GNG12: variants seen among roughly 807,000 people sequenced by gnomAD.
GNG12 encodes the protein G protein subunit gamma 12.
For synonymous variants in GNG12, 28 were observed against 29.7 expected (o/e 0.94, Z 0.19); for missense variants, 69 against 83.8 (o/e 0.82, Z 0.69).
chr1:67,716,150 A>G (rs1478832351), intron 2 of GNG12, among the ~76,000 whole-genome samples: 16 of 152,194 alleles, frequency 1.1e-4, no homozygotes, highest in African/African-American at 3.9e-4. Flanking sequence ...GGTTTCGGGT[A>G]GGGAAGACAG....
chr1:67,730,114 T>C (rs895047436), intron 2 of GNG12, among the ~76,000 whole-genome samples: 31 of 152,232 alleles, frequency 2.0e-4, no homozygotes, highest in Admixed American at 4.6e-4. Flanking sequence ...TAGAATATTA[T>C]ATAGCAAATG....
chr1:67,796,945 G>A (rs1570556783), intron 1 of GNG12, among the ~76,000 whole-genome samples: 1 of 152,168 alleles, frequency 6.6e-6, no homozygotes, highest in East Asian at 1.9e-4. Flanking sequence ...GAGCCAGACA[G>A]CAAGAGAGAT....
chr1:67,705,358 G>GT lies in GNG12; in HGVS notation c.*92dup. The stretch of plus-strand genomic sequence containing the variant: ...GCTGAGAACATTTTAGTTATTAGCA[G>GT]TGGTTACCAAATAAGCTGAAGGTAA... On this transcript the variant is annotated 3_prime_UTR_variant, in exon 4 of 4. Coordinates refer to ENST00000370982, the MANE Select transcript of GNG12 (RefSeq NM_018841.6). The GT allele has an allele frequency of 6.5e-7, 1 of 1,532,000 alleles. No individual in the cohort carries two copies. The allele number at this position is 1,532,000 out of a possible 1,614,324, so 94.9% of individuals were successfully genotyped here. A position where few individuals can be genotyped will look rare whatever the true frequency, so the allele number is the denominator to read the frequency against.
intron 2 of GNG12, among the ~76,000 whole-genome samples, chr1:67,724,550 C>T (rs758839210): frequency 1.6e-4 from 24 of 152,074 alleles, no homozygotes; most frequent in African/African-American, 5.3e-4. Context: ...CTTCCAAGCC[C>T]GGCTAATTTT....
intron 2 of GNG12, among the ~76,000 whole-genome samples, chr1:67,752,132 G>A (rs1646542814): frequency 6.6e-6 from 1 of 152,168 alleles, no homozygotes; most frequent in Non-Finnish European, 1.5e-5. Flanking sequence ...ATAACCATAT[G>A]CTTGTTAGCA....
chr1:67,833,322 G>C, intron 1 of GNG12, 22 bp downstream of exon 1: 1 of 942,356 alleles, frequency 1.1e-6, no homozygotes, highest in African/African-American at 1.8e-5. Context: ...CTCACCACCC[G>C]CGCCCGCCGC....
At chr1:67,717,513 C>CA (rs1205936941) in intron 2 of GNG12, among the ~76,000 whole-genome samples, 11,344 of 104,046 alleles carry the variant, frequency 0.11, 471 homozygotes, top group African/African-American at 0.15. Context: ...GAGACTCTGT[C>CA]AAAAAAAAAA....
chr1:67,780,834 G>C (rs1557615153), intron 1 of GNG12, among the ~76,000 whole-genome samples: 2 of 152,128 alleles, frequency 1.3e-5, no homozygotes, highest in Admixed American at 6.6e-5. Context: ...TTTGCATGTA[G>C]AACTAAGTAA....
At chr1:67,705,937 C>A (rs2100664799) in intron 3 of GNG12, among the ~76,000 whole-genome samples, 1 of 152,264 alleles carries the variant, frequency 6.6e-6, no homozygotes, top group African/African-American at 2.4e-5. Flanking sequence ...GAGGGTGATT[C>A]TGCAAAATAA....
intron 1 of GNG12, among the ~76,000 whole-genome samples, chr1:67,823,133 A>G (rs1646993415): frequency 6.6e-6 from 1 of 152,204 alleles, no homozygotes; most frequent in Admixed American, 6.5e-5. Context: ...ACAACAAAAT[A>G]CGGCATGTAT....
Position 67,719,282 on chromosome 1 carries a change from GGTCT to G in GNG12, c.-26-11574_-26-11571del, listed in dbSNP as rs544103159. Among the ~76,000 whole-genome samples the G allele has an allele frequency of 5.3e-3, 812 of 152,180 alleles. 11 individuals are homozygous for G. Among genetic ancestry groups the G allele is most frequent in the Non-Finnish European group, 9.0e-3 (613 of 68,012 alleles). ...AGTTCACATCACCTCTTCCAAGGAC[GGTCT>G]GTCTCCCTAATTAATTTTGTTTATA... On this transcript the variant is annotated intron_variant, in intron 2 of 3. Transcript: ENST00000370982.
At chr1:67,717,629 A>C (rs1431805182) in intron 2 of GNG12, among the ~76,000 whole-genome samples, 2 of 152,134 alleles carry the variant, frequency 1.3e-5, no homozygotes, top group South Asian at 2.1e-4. Context: ...AGTGTTCTTC[A>C]GACTGAAATT....
intron 1 of GNG12, among the ~76,000 whole-genome samples, chr1:67,779,799 C>T (rs149639683): frequency 1.7e-3 from 259 of 152,240 alleles, no homozygotes; most frequent in African/African-American, 5.4e-3. Context: ...GTGTGAATAT[C>T]GTAGGGTGTA....
chr1:67,765,688 C>G (rs184149344), intron 2 of GNG12, among the ~76,000 whole-genome samples: 34 of 152,280 alleles, frequency 2.2e-4, no homozygotes, highest in African/African-American at 7.5e-4. Flanking sequence ...ATAACTACTA[C>G]CTAGTCAACC....
chr1:67,741,864 G>T (rs776418550), intron 2 of GNG12, among the ~76,000 whole-genome samples: 3 of 152,118 alleles, frequency 2.0e-5, no homozygotes, highest in Non-Finnish European at 4.4e-5. Context: ...CAGATTTCTG[G>T]CTTCTTTACA....
At chr1:67,778,009 A>C (rs953716028) in intron 1 of GNG12, among the ~76,000 whole-genome samples, 1 of 151,848 alleles carries the variant, frequency 6.6e-6, no homozygotes, top group Non-Finnish European at 1.5e-5. Flanking sequence ...AGTGTTGTTC[A>C]ATAGAAATAT....
chr1:67,777,367 C>T lies in GNG12; in HGVS notation c.-27+91G>A, dbSNP rs558836619. 4.8e-5 allele frequency: 8 copies of T among 166,348 alleles called. No individual in the cohort carries two copies. In the South Asian group the frequency reaches 1.6e-3, roughly 33 times the overall value. 10.3% of individuals were successfully genotyped at this position (166,348 alleles called of 1,614,324 possible). A position where few individuals can be genotyped will look rare whatever the true frequency, so the allele number is the denominator to read the frequency against. On this transcript the variant is annotated intron_variant, in intron 2 of 3. Coordinates refer to ENST00000370982, the MANE Select transcript of GNG12 (RefSeq NM_018841.6). ...CAAATAAATAGACATCTCATCATAG[C>T]ACTGGTAGGGAAGCATCTAACTTAG...
Position 67,703,562 on chromosome 1 carries a change from T to C in GNG12, c.*1889A>G, listed in dbSNP as rs1646227467. Reference sequence around the variant, plus strand: ...TAAATGTAAAGTTGTCTTTTTAGTGTAAATTTCAAATCTCACCCTTTGAGA... The same window carrying C: ...TAAATGTAAAGTTGTCTTTTTAGTGCAAATTTCAAATCTCACCCTTTGAGA... On this transcript the variant is annotated 3_prime_UTR_variant, in exon 4 of 4. Coordinates refer to ENST00000370982, the MANE Select transcript of GNG12 (RefSeq NM_018841.6). The C allele has an allele frequency of 6.6e-6, 1 of 152,202 alleles. No individual in the cohort carries two copies. Among genetic ancestry groups the C allele is most frequent in the African/African-American group, 2.4e-5 (1 of 41,464 alleles). The allele number at this position is 152,202 out of a possible 1,614,324, so 9.4% of individuals were successfully genotyped here. A position where few individuals can be genotyped will look rare whatever the true frequency, so the allele number is the denominator to read the frequency against.
In GNG12 at chr1:67,833,418, TCTCCTCCTC is replaced by T; in HGVS notation, c.-160_-152del. ...AGGGCTCCTGGAGACGGCTCCGACCTCTCCTCCTCCTCCTCCTCTTGCTCCTCCGGGCGC... is the reference window on the plus strand; with the variant it reads ...AGGGCTCCTGGAGACGGCTCCGACCTCTCCTCCTCTTGCTCCTCCGGGCGC... On this transcript the variant is annotated 5_prime_UTR_variant, in exon 1 of 4. Coordinates refer to ENST00000370982, the MANE Select transcript of GNG12 (RefSeq NM_018841.6). 2 of 983,956 alleles carry T rather than the reference TCTCCTCCTC, an allele frequency of 2.0e-6. No homozygotes were observed. The highest frequency in any genetic ancestry group is 4.7e-5 in the South Asian group (1 of 21,236). 61.0% of individuals were successfully genotyped at this position (983,956 alleles called of 1,614,324 possible). A position where few individuals can be genotyped will look rare whatever the true frequency, so the allele number is the denominator to read the frequency against.
Sources: allele counts gnomAD v4.1 joint callset (sites outside exome capture counted in the v4.1 genomes callset), GRCh38; gene constraint gnomAD v4.1.1; transcripts MANE v1.5; gene names NCBI Gene and HGNC (gene_info 2026-07-23, HGNC 2026-07-21).